The following HIVEP1 variants were observed in gnomAD, a reference collection of about 807,000 sequenced individuals.
HIVEP1 encodes zinc finger protein 40.
HIVEP1 carries 36 observed loss-of-function variants against 180.0 expected under a neutral mutation model. The observed-to-expected ratio is 0.20, with a 90% CI of 0.15 to 0.26. The LOEUF (loss-of-function observed/expected upper bound fraction) is 0.26. Among genes scored for constraint, HIVEP1 ranks in the 10% least tolerant of loss-of-function variants. HIVEP1 has a pLI of 1.00. For synonymous variants in HIVEP1, 1,239 were observed against 1,239.0 expected (o/e 1.00, Z 0.00); for missense variants, 3,143 against 3,268.7 (o/e 0.96, Z 0.94).
chr6:12,115,024 T>C (rs1775129682), intron 3 of HIVEP1, among the ~76,000 whole-genome samples: 1 of 152,196 alleles, frequency 6.6e-6, no homozygotes, highest in African/African-American at 2.4e-5. Context: ...AGAGATTTAT[T>C]TGGAGGTTCA....
Position 12,122,725 on chromosome 6 carries a change from A to T in HIVEP1, c.2930A>T (p.His977Leu). Residue 977 changes from histidine to leucine, a missense_variant, in exon 4 of 9, where the codon CAT becomes CTT. Coordinates refer to ENST00000379388, the MANE Select transcript of HIVEP1 (RefSeq NM_002114.4). ...AGGAAACTGGAAAATTTTGAAAATC[A>T]TAAGAAATTTTACTGTTCTGAGTTA... ...RYRKLENFEN[H>L]KKFYCSELHG... 1 of 1,613,852 alleles carries T rather than the reference A, an allele frequency of 6.2e-7. No individual in the cohort carries two copies. The highest frequency in any genetic ancestry group is 8.5e-7 in the Non-Finnish European group (1 of 1,179,928).
intron 2 of HIVEP1, among the ~76,000 whole-genome samples, chr6:12,071,530 C>T (rs1039343612): frequency 3.3e-5 from 5 of 152,202 alleles, no homozygotes; most frequent in Non-Finnish European, 7.3e-5. Context: ...CACAGTTTGC[C>T]AGTATTCAAC....
the HIVEP1 span, among the ~76,000 whole-genome samples, chr6:12,196,468 A>G: frequency 6.6e-6 from 1 of 152,218 alleles, no homozygotes; most frequent in Non-Finnish European, 1.5e-5. Context: ...TCTCGTTGGC[A>G]TGCATTCAAG....
chr6:12,167,644 TAC>T (rs1246734184), downstream of HIVEP1, among the ~76,000 whole-genome samples: 537 of 24,608 alleles, frequency 0.022, 13 homozygotes, highest in Non-Finnish European at 0.036. Flanking sequence ...TATATACATA[TAC>T]ATATATATGT....
Position 12,135,834 on chromosome 6 carries a change from A to G in HIVEP1, c.6429A>G (p.Lys2143=). ...KHMKSKAHSK[K]CVDLGVSVGL... is the part of the protein sequence containing the mutation. ...TGAAGTCCAAGGCACATAGCAAGAA[A>G]TGTGTGGATTTAGGCGTCTCAGTAG... The change falls in exon 7 of 9, where the codon AAA becomes AAG. Residue 2143 remains lysine (K), a synonymous_variant. Transcript: ENST00000379388. 1.2e-6 allele frequency: 2 copies of G among 1,613,130 alleles called. No individual in the cohort carries two copies. Among genetic ancestry groups the G allele is most frequent in the South Asian group, 1.1e-5 (1 of 91,056 alleles).
chr6:12,193,317 G>A, the HIVEP1 span, among the ~76,000 whole-genome samples: 7 of 152,204 alleles, frequency 4.6e-5, no homozygotes, highest in Admixed American at 2.6e-4. Flanking sequence ...TCTGAAGAAA[G>A]CATTCCATAT....
At chr6:12,035,741 A>G (rs1162745125) in intron 2 of HIVEP1, among the ~76,000 whole-genome samples, 1 of 152,230 alleles carries the variant, frequency 6.6e-6, no homozygotes, top group Non-Finnish European at 1.5e-5. Flanking sequence ...ACAAATCAAC[A>G]TACATTTTCG....
chr6:12,055,369 A>G (rs1770800931), intron 2 of HIVEP1, among the ~76,000 whole-genome samples: 1 of 152,148 alleles, frequency 6.6e-6, no homozygotes, highest in Admixed American at 6.5e-5. Flanking sequence ...GCTACTCGGG[A>G]GGCTGAGGCA....
chr6:12,009,102 G>T (rs1257818211), upstream of HIVEP1, among the ~76,000 whole-genome samples: 3 of 147,690 alleles, frequency 2.0e-5, no homozygotes, highest in African/African-American at 7.3e-5. Flanking sequence ...AGGAACCTCC[G>T]GGATCTCCGC....
chr6:12,104,396 TTC>T (rs70981664), intron 3 of HIVEP1, among the ~76,000 whole-genome samples: 24 of 126,612 alleles, frequency 1.9e-4, no homozygotes, highest in South Asian at 8.2e-4. Context: ...CTCTCTTCGT[TTC>T]TCTCTCTCTC....
At chr6:12,036,350 G>A (rs1276552077) in intron 2 of HIVEP1, among the ~76,000 whole-genome samples, 1 of 152,140 alleles carries the variant, frequency 6.6e-6, no homozygotes, top group African/African-American at 2.4e-5. Context: ...CATGAAAAAT[G>A]TTCATTATAT....
In HIVEP1 at chr6:12,133,824, A is replaced by G. The variant is rs372541696; in HGVS notation, c.6386-1967A>G. On this transcript the variant is annotated intron_variant, in intron 6 of 8. Coordinates refer to ENST00000379388, the MANE Select transcript of HIVEP1 (RefSeq NM_002114.4). The stretch of plus-strand genomic sequence containing the variant: ...GAAACCCCGTCTTAACTAAAATACA[A>G]AAAATTAGCCTGGCGCAGTGGCAGG... 2.5e-4 allele frequency among the ~76,000 whole-genome samples: 38 copies of G among 152,246 alleles called. No individual in the cohort carries two copies. In the South Asian group the frequency reaches 7.7e-3, roughly 31 times the overall value.
In HIVEP1 at chr6:12,015,508, C is replaced by T. The variant is rs1010883297; in HGVS notation, c.-103-18C>T. ...CTGAAGGTAGTAAAATGTGCTTCTCCGTTTTTTTCTTTTTCAGCACATGGA... is the reference window on the plus strand; with the variant it reads ...CTGAAGGTAGTAAAATGTGCTTCTCTGTTTTTTTCTTTTTCAGCACATGGA... On this transcript the variant is annotated intron_variant, in intron 1 of 8. Transcript: ENST00000379388. The T allele has an allele frequency of 2.3e-5, 18 of 791,182 alleles. No homozygotes were observed. The East Asian group carries it at 2.8e-4, about 12-fold the overall frequency. 49.0% of individuals were successfully genotyped at this position (791,182 alleles called of 1,614,324 possible). A position where few individuals can be genotyped will look rare whatever the true frequency, so the allele number is the denominator to read the frequency against.
At chr6:12,036,108 C>A (rs1769261345) in intron 2 of HIVEP1, among the ~76,000 whole-genome samples, 1 of 152,170 alleles carries the variant, frequency 6.6e-6, no homozygotes, top group African/African-American at 2.4e-5. Flanking sequence ...CAAGTATACT[C>A]ATTTATTGCT....
At chr6:12,048,273 A>G (rs1770270208) in intron 2 of HIVEP1, among the ~76,000 whole-genome samples, 1 of 152,246 alleles carries the variant, frequency 6.6e-6, no homozygotes, top group South Asian at 2.1e-4. Flanking sequence ...GCAGCAGGGT[A>G]TGTCAAGGCT....
chr6:12,166,128 G>A (rs78146638), downstream of HIVEP1, among the ~76,000 whole-genome samples: 177 of 152,282 alleles, frequency 1.2e-3, no homozygotes, highest in African/African-American at 4.1e-3. Context: ...ATCAATAATA[G>A]CTGTTGAAAA....
chr6:12,135,377 A>C (rs1428080975), intron 6 of HIVEP1, among the ~76,000 whole-genome samples: 1 of 152,226 alleles, frequency 6.6e-6, no homozygotes, highest in African/African-American at 2.4e-5. Context: ...ATAAACTTAC[A>C]ATTAAAAGTA....
At chr6:12,042,089 T>C (rs1186566509) in intron 2 of HIVEP1, among the ~76,000 whole-genome samples, 1 of 149,782 alleles carries the variant, frequency 6.7e-6, no homozygotes, top group African/African-American at 2.5e-5. Flanking sequence ...TTTTTTTTTT[T>C]TGAGACGGAG....
chr6:12,008,327 G>T (rs983014770), upstream of HIVEP1: 1 of 152,172 alleles, frequency 6.6e-6, no homozygotes, highest in Non-Finnish European at 1.5e-5. Flanking sequence ...TCCAAACTGA[G>T]ATCTAAAACC....
Sources: gnomAD v4.1 joint callset for allele counts (sites outside exome capture counted in the v4.1 genomes callset) on GRCh38, gnomAD v4.1.1 for gene constraint, MANE v1.5 for transcripts, NCBI Gene and HGNC (gene_info 2026-07-23, HGNC 2026-07-21) for gene names.